The following CNTN5 variants were observed in gnomAD, a reference collection of about 807,000 sequenced individuals.
CNTN5 encodes contactin 5, also known as contactin-5.
CNTN5 carries 77 observed loss-of-function variants against 129.1 expected under a neutral mutation model. The observed-to-expected ratio is 0.60, with a 90% confidence interval of 0.50 to 0.72. CNTN5 has a LOEUF of 0.72. Ranked by LOEUF, CNTN5 falls within the 30% of genes least tolerant of loss-of-function variation. The probability of loss-of-function intolerance (pLI) is 0.00; values close to 1 mark genes in which losing one functional copy is unlikely to be tolerated. For missense variants in CNTN5, 1,478 were observed against 1,328.8 expected (o/e 1.11, Z -1.75); for synonymous variants, 509 against 465.6 (o/e 1.09, Z -1.20).
chr11:99,487,673 C>A (rs189708117), intron 2 of CNTN5, among the ~76,000 whole-genome samples: 2 of 152,292 alleles, frequency 1.3e-5, no homozygotes, highest in East Asian at 3.9e-4. Flanking sequence ...CATCTCCATT[C>A]TTCACATAAA....
intron 15 of CNTN5, among the ~76,000 whole-genome samples, chr11:100,221,562 T>C (rs1335523397): frequency 6.6e-6 from 1 of 152,210 alleles, no homozygotes; most frequent in African/African-American, 2.4e-5. Flanking sequence ...GTTGCTCTAA[T>C]GAAACGATCT....
intron 13 of CNTN5, among the ~76,000 whole-genome samples, chr11:100,090,140 TA>T (rs1273946905): frequency 6.6e-6 from 1 of 152,072 alleles, no homozygotes; most frequent in Non-Finnish European, 1.5e-5. Context: ...AAACTTTCAA[TA>T]AAATCCAACA....
chr11:99,139,781 A>T (rs4237596), intron 1 of CNTN5, among the ~76,000 whole-genome samples: 1 of 152,096 alleles, frequency 6.6e-6, no homozygotes, highest in Non-Finnish European at 1.5e-5. Context: ...AACAGAATGA[A>T]TGATCTTTTA....
chr11:99,784,389 A>T (rs1331957501), intron 3 of CNTN5, among the ~76,000 whole-genome samples: 1 of 151,914 alleles, frequency 6.6e-6, no homozygotes, highest in Non-Finnish European at 1.5e-5. Context: ...TATGAGTGAG[A>T]ACATGCGGTG....
Position 100,340,600 on chromosome 11 carries a change from T to C in CNTN5, c.2868T>C (p.Ala956=). 1 of 1,613,246 alleles carries C rather than the reference T, an allele frequency of 6.2e-7. No individual in the cohort carries two copies. The highest frequency in any genetic ancestry group is 1.1e-5 in the South Asian group (1 of 90,908). The change falls in exon 22 of 25, where the codon GCT becomes GCC. Residue 956 remains alanine, a synonymous_variant. Transcript: ENST00000524871. ...YHFTVRAYNG[A]GYGPPSSEVS... is the part of the protein sequence containing the mutation. Reference sequence around the variant, plus strand: ...TCACAGTGAGGGCTTACAATGGAGCTGGATATGGGCCACCTAGCAGTGAAG... The same window carrying C: ...TCACAGTGAGGGCTTACAATGGAGCCGGATATGGGCCACCTAGCAGTGAAG...
chr11:99,733,592 A>G (rs1015528872), intron 3 of CNTN5, among the ~76,000 whole-genome samples: 1 of 152,098 alleles, frequency 6.6e-6, no homozygotes, highest in Non-Finnish European at 1.5e-5. Context: ...ATTATCCCCA[A>G]AATACTTAAT....
At chr11:99,569,602 A>G (rs1591293375) in intron 3 of CNTN5, among the ~76,000 whole-genome samples, 1 of 152,102 alleles carries the variant, frequency 6.6e-6, no homozygotes, top group South Asian at 2.1e-4. Flanking sequence ...TTGAGCCACC[A>G]TTTTTAAGAA....
At chr11:100,234,492 A>G (rs1949562387) in intron 16 of CNTN5, among the ~76,000 whole-genome samples, 1 of 152,174 alleles carries the variant, frequency 6.6e-6, no homozygotes. Context: ...ATGTCTTTGC[A>G]GGGACATGGA....
intron 1 of CNTN5, among the ~76,000 whole-genome samples, chr11:99,130,726 C>A (rs1313775560): frequency 6.6e-6 from 1 of 152,104 alleles, no homozygotes; most frequent in Non-Finnish European, 1.5e-5. Flanking sequence ...ACACTCCTCA[C>A]CAAATGCAAA....
intron 15 of CNTN5, among the ~76,000 whole-genome samples, chr11:100,220,566 C>A (rs1445184704): frequency 6.6e-6 from 1 of 151,862 alleles, no homozygotes; most frequent in East Asian, 1.9e-4. Flanking sequence ...ATATTGATAC[C>A]CAGTTTGCTA....
intron 1 of CNTN5, among the ~76,000 whole-genome samples, chr11:99,207,337 A>C (rs1432914798): frequency 2.0e-5 from 3 of 152,170 alleles, no homozygotes; most frequent in African/African-American, 7.2e-5. Context: ...ATCTGAAATC[A>C]GGTGAATTAA....
At chr11:100,082,040 T>C (rs1386939587) in intron 13 of CNTN5, among the ~76,000 whole-genome samples, 1 of 152,118 alleles carries the variant, frequency 6.6e-6, no homozygotes, top group Non-Finnish European at 1.5e-5. Flanking sequence ...AGTTAACTGA[T>C]AGTCATAAAT....
At chr11:99,738,925 T>C (rs755305108) in intron 3 of CNTN5, among the ~76,000 whole-genome samples, 1 of 152,198 alleles carries the variant, frequency 6.6e-6, no homozygotes, top group African/African-American at 2.4e-5. Context: ...GTTATACTTA[T>C]GAGAATAAAT....
intron 1 of CNTN5, among the ~76,000 whole-genome samples, chr11:99,124,372 C>T (rs78074170): frequency 0.14 from 20,995 of 151,842 alleles, 1,650 homozygotes; most frequent in African/African-American, 0.21. Context: ...TTTTGCACGT[C>T]GATTTTGTAT....
At chr11:99,691,608 A>G (rs553103998) in intron 3 of CNTN5, among the ~76,000 whole-genome samples, 11 of 152,184 alleles carry the variant, frequency 7.2e-5, no homozygotes, top group Non-Finnish European at 1.5e-4. Context: ...ACTGTGGTCT[A>G]AGCAACTGTT....
intron 2 of CNTN5, among the ~76,000 whole-genome samples, chr11:99,511,795 C>T (rs1046079889): frequency 6.6e-6 from 1 of 151,582 alleles, no homozygotes; most frequent in Non-Finnish European, 1.5e-5. Flanking sequence ...ACATTGTGCA[C>T]ATGTACCCTA....
intron 6 of CNTN5, among the ~76,000 whole-genome samples, chr11:99,851,856 C>T (rs147559835): frequency 6.6e-6 from 1 of 152,140 alleles, no homozygotes; most frequent in South Asian, 2.1e-4. Flanking sequence ...AAAATTACTT[C>T]TCTGGCTTTT....
chr11:100,200,103 T>C (rs1429710941), intron 15 of CNTN5, among the ~76,000 whole-genome samples: 1 of 151,940 alleles, frequency 6.6e-6, no homozygotes, highest in Admixed American at 6.6e-5. Flanking sequence ...AGTTTGGAAT[T>C]GAATGAAAGA....
chr11:99,907,880 C>A (rs537489251), intron 6 of CNTN5, among the ~76,000 whole-genome samples: 9 of 152,068 alleles, frequency 5.9e-5, no homozygotes, highest in Non-Finnish European at 7.4e-5. Flanking sequence ...CAAAATATAA[C>A]ATATTTTACT....
Sources: gnomAD v4.1 joint callset for allele counts (sites outside exome capture counted in the v4.1 genomes callset) on GRCh38, gnomAD v4.1.1 for gene constraint, MANE v1.5 for transcripts, NCBI Gene and HGNC (gene_info 2026-07-23, HGNC 2026-07-21) for gene names.